CLYBL: variants seen among roughly 807,000 people sequenced by gnomAD.
CLYBL encodes citramalyl-CoA lyase.
A neutral mutation model predicts 38.9 loss-of-function variants in CLYBL; 31 were observed. That is an observed-to-expected ratio of 0.80 (90% confidence interval 0.60 to 1.08). CLYBL has a LOEUF of 1.08. CLYBL is among the 50% of genes least tolerant of loss of function. CLYBL has a pLI of 0.00. For missense variants in CLYBL, 434 were observed against 411.6 expected, an observed-to-expected ratio of 1.05 and a Z score of -0.47; for synonymous variants, 171 against 158.6, an observed-to-expected ratio of 1.08 and a Z score of -0.59.
intron 2 of CLYBL, among the ~76,000 whole-genome samples, chr13:99,793,800 A>C (rs2049967206): frequency 6.6e-6 from 1 of 151,990 alleles, no homozygotes; most frequent in Non-Finnish European, 1.5e-5. Context: ...AAGACTGAGT[A>C]TGATCTATAA....
chr13:99,671,895 C>T lies in CLYBL; in HGVS notation c.62+65138C>T, dbSNP rs576757451. On this transcript the variant is annotated intron_variant, in intron 1 of 8. Coordinates refer to ENST00000339105, the MANE Select transcript of CLYBL (RefSeq NM_206808.5). Reference sequence around the variant, plus strand: ...GAGACTGCCCTTGTGCCTGGACTCACGTCCCTGACTTGTGCACCTCCCTCC... The same window carrying T: ...GAGACTGCCCTTGTGCCTGGACTCATGTCCCTGACTTGTGCACCTCCCTCC... 5.6e-3 allele frequency among the ~76,000 whole-genome samples: 850 copies of T among 152,272 alleles called. 11 individuals are homozygous for T. Among genetic ancestry groups the T allele is most frequent in the Middle Eastern group, 0.01 (3 of 294 alleles).
At chr13:99,825,266 T>C (rs1030248314) in intron 2 of CLYBL, among the ~76,000 whole-genome samples, 15 of 152,114 alleles carry the variant, frequency 9.9e-5, no homozygotes, top group Admixed American at 2.6e-4. Context: ...CTGTACGACG[T>C]CAGGACAGGC....
chr13:99,822,973 T>C (rs575118930), intron 2 of CLYBL, among the ~76,000 whole-genome samples: 1 of 152,344 alleles, frequency 6.6e-6, no homozygotes, highest in South Asian at 2.1e-4. Context: ...CTTACCCTTC[T>C]CCCATTTCCT....
intron 1 of CLYBL, among the ~76,000 whole-genome samples, chr13:99,669,669 G>A (rs1305845640): frequency 6.6e-6 from 1 of 152,062 alleles, no homozygotes; most frequent in Non-Finnish European, 1.5e-5. Flanking sequence ...CATTTCCCAT[G>A]AAGATCCCTA....
intron 2 of CLYBL, among the ~76,000 whole-genome samples, chr13:99,825,510 A>C (rs932496001): frequency 1.3e-5 from 2 of 152,010 alleles, no homozygotes; most frequent in Non-Finnish European, 2.9e-5. Context: ...CTTTTTTATG[A>C]GGGATGATCT....
intron 2 of CLYBL, among the ~76,000 whole-genome samples, chr13:99,840,071 C>G (rs1273380430): frequency 6.6e-6 from 1 of 151,112 alleles, no homozygotes; most frequent in South Asian, 2.1e-4. Context: ...TGCCCCACCC[C>G]ACGCTGGGAA....
chr13:99,805,443 C>T (rs2050213315), intron 2 of CLYBL, among the ~76,000 whole-genome samples: 1 of 151,516 alleles, frequency 6.6e-6, no homozygotes. Flanking sequence ...CCTACTGAGC[C>T]CTGGAAGTCA....
intron 2 of CLYBL, among the ~76,000 whole-genome samples, chr13:99,833,007 C>CATATATATATAT (rs1555314795): frequency 1.6e-4 from 8 of 51,578 alleles, no homozygotes; most frequent in African/African-American, 6.2e-4. Flanking sequence ...TACATACATA[C>CATATATATATAT]ATATATATAT....
downstream of CLYBL, among the ~76,000 whole-genome samples, chr13:99,897,967 A>AAACTG (rs1370566033): frequency 6.6e-6 from 1 of 152,072 alleles, no homozygotes; most frequent in African/African-American, 2.4e-5. Context: ...GAAAGAAAGA[A>AAACTG]AACTGGGCAG....
At chr13:99,682,674 C>G (rs1404431029) in intron 1 of CLYBL, among the ~76,000 whole-genome samples, 1 of 151,950 alleles carries the variant, frequency 6.6e-6, no homozygotes, top group African/African-American at 2.4e-5. Context: ...TTAGACTATA[C>G]TACATTTATT....
chr13:99,682,363 C>T (rs573493379), intron 1 of CLYBL, among the ~76,000 whole-genome samples: 1 of 152,170 alleles, frequency 6.6e-6, no homozygotes, highest in Non-Finnish European at 1.5e-5. Context: ...AGGCTGGTTT[C>T]GAACTCCAGA....
chr13:99,715,578 A>AT (rs2048300018), intron 1 of CLYBL, among the ~76,000 whole-genome samples: 1 of 151,098 alleles, frequency 6.6e-6, no homozygotes, highest in South Asian at 2.1e-4. Flanking sequence ...AATTTTTTGT[A>AT]TTTTTTATAG....
rs58414484 is a variant in CLYBL at position 99,638,084 on chromosome 13, C to T, written c.62+31327C>T. On this transcript the variant is annotated intron_variant, in intron 1 of 8. Transcript: ENST00000339105. ...ACTCCAGTGAGTCTCCTACCTTAGC[C>T]TCCTGAGTAGCTAAGACCACCAGCT... Among the ~76,000 whole-genome samples, 807 of 150,682 alleles carry T rather than the reference C, an allele frequency of 5.4e-3. 4 individuals are homozygous for T. The highest frequency in any genetic ancestry group is 0.019 in the African/African-American group (777 of 40,996).
At chr13:99,772,354 A>C (rs940490947) in intron 1 of CLYBL, among the ~76,000 whole-genome samples, 1 of 152,132 alleles carries the variant, frequency 6.6e-6, no homozygotes, top group Non-Finnish European at 1.5e-5. Context: ...TATCTCTGCT[A>C]TTATTGTTTT....
At chr13:99,792,854 C>T (rs982864206) in intron 2 of CLYBL, among the ~76,000 whole-genome samples, 3 of 152,092 alleles carry the variant, frequency 2.0e-5, no homozygotes, top group African/African-American at 4.8e-5. Flanking sequence ...CAGAAAGAAA[C>T]GCCCAATATC....
chr13:99,736,766 ATGAGC>A (rs1301304329), intron 1 of CLYBL, among the ~76,000 whole-genome samples: 2 of 152,212 alleles, frequency 1.3e-5, no homozygotes, highest in East Asian at 3.9e-4. Context: ...CTTATGCTGA[ATGAGC>A]CCCTCCCCAC....
intron 1 of CLYBL, among the ~76,000 whole-genome samples, chr13:99,764,387 G>A (rs894722190): frequency 6.6e-6 from 1 of 152,072 alleles, no homozygotes; most frequent in Admixed American, 6.5e-5. Flanking sequence ...TTTCTTTCAT[G>A]GGAGACTTTA....
chr13:99,828,798 T>C (rs1248648074), intron 2 of CLYBL, among the ~76,000 whole-genome samples: 1 of 152,186 alleles, frequency 6.6e-6, no homozygotes, highest in African/African-American at 2.4e-5. Context: ...TCTTTCTTGC[T>C]CATTGCTTGT....
At chr13:99,717,082 C>T (rs935054296) in intron 1 of CLYBL, among the ~76,000 whole-genome samples, 10 of 152,040 alleles carry the variant, frequency 6.6e-5, no homozygotes, top group South Asian at 2.1e-4. Flanking sequence ...TGAGCCACCA[C>T]GCCCAGCCCC....
Sources: allele counts gnomAD v4.1 joint callset (sites outside exome capture counted in the v4.1 genomes callset), GRCh38; gene constraint gnomAD v4.1.1; transcripts MANE v1.5; gene names NCBI Gene and HGNC (gene_info 2026-07-23, HGNC 2026-07-21).